The following PUS7L variants were observed in gnomAD, a reference collection of about 807,000 sequenced individuals.
The protein encoded by PUS7L is pseudouridylate synthase PUS7L.
In PUS7L, 49 loss-of-function variants were observed where a neutral mutation model predicts 51.1. That is an observed-to-expected ratio of 0.96 (90% CI 0.76 to 1.22). PUS7L has a LOEUF of 1.22. Ranked by LOEUF, PUS7L falls within the 50% of genes most tolerant of loss-of-function variation. The pLI, the probability that PUS7L is intolerant of heterozygous loss-of-function variation, is 0.00. For missense variants in PUS7L, 828 were observed against 820.6 expected, an observed-to-expected ratio of 1.01 and a Z score of -0.11; for synonymous variants, 277 against 276.2, an observed-to-expected ratio of 1.00 and a Z score of -0.03.
Position 43,756,942 on chromosome 12 carries a change from C to T in PUS7L, c.-16-1681G>A, listed in dbSNP as rs187722822. ...TTGCAATAAAATCCAAATTACTCAC[C>T]CTGGCTTCCAAGGACATCTAAGATT... On this transcript the variant is annotated intron_variant, in intron 1 of 8. Coordinates refer to ENST00000344862, the MANE Select transcript of PUS7L (RefSeq NM_031292.5). 2.5e-3 allele frequency among the ~76,000 whole-genome samples: 381 copies of T among 152,242 alleles called. 1 individual carries two copies. Among genetic ancestry groups the T allele is most frequent in the African/African-American group, 8.9e-3 (369 of 41,532 alleles).
Position 43,725,508 on chromosome 12 carries a change from C to T in PUS7L, c.*4868G>A, listed in dbSNP as rs56100821. 9,611 of 151,722 alleles carry T rather than the reference C, an allele frequency of 0.063. 303 individuals are homozygous for T. Among genetic ancestry groups the T allele is most frequent in the Middle Eastern group, 0.16 (47 of 292 alleles). 9.4% of individuals were successfully genotyped at this position (151,722 alleles called of 1,614,324 possible). ...TCGGCTCACTGCAACCTCCACCTCC[C>T]GGGTTCAAGCGATTCTCCAGCCTCA... On this transcript the variant is annotated 3_prime_UTR_variant, in exon 9 of 9. Transcript: ENST00000344862.
rs756443839 is a variant in PUS7L, at chr12:43,755,192, A to G, written c.54T>C (p.Asn18=). 1 of 1,611,262 alleles carries G rather than the reference A, an allele frequency of 6.2e-7. No individual in the cohort carries two copies. Among genetic ancestry groups the G allele is most frequent in the South Asian group, 1.1e-5 (1 of 90,680 alleles). Residue 18 remains asparagine, a synonymous_variant, in exon 2 of 9, where the codon AAT becomes AAC. Transcript: ENST00000344862. Reference sequence around the variant, plus strand: ...TAGTGCCATGAAATCCAACGTGATCATTAAAGAAACACAAAGAACTAAACC... The same window carrying G: ...TAGTGCCATGAAATCCAACGTGATCGTTAAAGAAACACAAAGAACTAAACC... ...RIRFSSLCFF[N]DHVGFHGTIK...
At chr12:43,758,706 C>G (rs1300341276) in intron 1 of PUS7L, 24 bp downstream of exon 1, 1 of 960,338 alleles carries the variant, frequency 1.0e-6, no homozygotes, top group Non-Finnish European at 1.2e-6. Context: ...CCCACCATCG[C>G]GCAAGAAACT....
chr12:43,758,458 C>G, intron 1 of PUS7L: 1 of 985,534 alleles, frequency 1.0e-6, no homozygotes, highest in Non-Finnish European at 1.2e-6. Flanking sequence ...GAACCCAGTC[C>G]TGCAGAAGCT....
At chr12:43,758,607 C>T (rs1938998891) in intron 1 of PUS7L, 123 bp downstream of exon 1, 2 of 981,696 alleles carry the variant, frequency 2.0e-6, no homozygotes, top group Non-Finnish European at 2.4e-6. Context: ...GTCCACGTCA[C>T]CTTTCTTTGG....
intron 2 of PUS7L, among the ~76,000 whole-genome samples, chr12:43,753,899 A>G (rs545949174): frequency 6.6e-6 from 1 of 152,242 alleles, no homozygotes; most frequent in East Asian, 1.9e-4. Flanking sequence ...GGGAAATATA[A>G]TTTGTTTTGG....
rs755788430 is a variant in PUS7L at position 43,736,522 on chromosome 12, T to C, written c.1584A>G (p.Ile528Met). The C allele has an allele frequency of 2.7e-5, 43 of 1,614,060 alleles. No individual in the cohort carries two copies. In the Admixed American group the frequency reaches 7.0e-4, roughly 26 times the overall value. ...AWFSLPHSMR[I>M]FYVHAYTSKI... The stretch of plus-strand genomic sequence containing the variant: ...TGCTGGTATATGCGTGAACATAGAA[T>C]ATGCGCATGGAATGGGGTAAAGAGA... The change falls in exon 7 of 9, where the codon ATA becomes ATG. Residue 528 changes from isoleucine (I) to methionine (M), a missense_variant. By Grantham distance (10) the Ile-to-Met change is conservative. Coordinates refer to ENST00000344862, the MANE Select transcript of PUS7L (RefSeq NM_031292.5).
chr12:43,758,242 G>A, intron 1 of PUS7L: 1 of 869,912 alleles, frequency 1.1e-6, no homozygotes, highest in Non-Finnish European at 1.4e-6. Context: ...GGGAAACTTG[G>A]GGAGAATGTA....
chr12:43,749,186 C>T (rs1291938319), intron 2 of PUS7L, among the ~76,000 whole-genome samples: 1 of 152,184 alleles, frequency 6.6e-6, no homozygotes, highest in Non-Finnish European at 1.5e-5. Context: ...TCCAAGTGCA[C>T]CACTTCCCTT....
chr12:43,740,258 T>C (rs73280415), intron 5 of PUS7L, among the ~76,000 whole-genome samples: 2,388 of 152,320 alleles, frequency 0.016, 73 homozygotes, highest in African/African-American at 0.053. Context: ...GGATCTTAAA[T>C]AGGTCATTTG....
chr12:43,752,391 C>T (rs1171812399), intron 2 of PUS7L, among the ~76,000 whole-genome samples: 1 of 152,198 alleles, frequency 6.6e-6, no homozygotes, highest in Admixed American at 6.5e-5. Flanking sequence ...TCAGAAGTCA[C>T]CTCACATCCA....
chr12:43,738,278 T>C (rs372967667), intron 6 of PUS7L, 32 bp downstream of exon 6: 204 of 1,075,580 alleles, frequency 1.9e-4, no homozygotes, highest in Non-Finnish European at 2.9e-4. Flanking sequence ...TGTATCTGCA[T>C]GGTTATGTAC....
At position 43,728,957 on chromosome 12, in the gene PUS7L, T is replaced by C; in HGVS notation, c.*1419A>G. The C allele has an allele frequency of 3.2e-6, 1 of 310,416 alleles. No individual in the cohort carries two copies. The highest frequency in any genetic ancestry group is 5.9e-6 in the Non-Finnish European group (1 of 169,832). 19.2% of individuals were successfully genotyped at this position (310,416 alleles called of 1,614,324 possible). A position where few individuals can be genotyped will look rare whatever the true frequency, so the allele number is the denominator to read the frequency against. ...GTGCCAGGGTTCAAACTGGGTTAGT[T>C]TGTCTCCAATATCTGTGCTTTTAAT... On this transcript the variant is annotated 3_prime_UTR_variant, in exon 9 of 9. Coordinates refer to ENST00000344862, the MANE Select transcript of PUS7L (RefSeq NM_031292.5).
rs139835782 is a variant in PUS7L at position 43,748,453 on chromosome 12, T to C, written c.1067A>G (p.Glu356Gly). The change falls in exon 3 of 9, where the codon GAG becomes GGG. Residue 356 changes from glutamate (E) to glycine (G), a missense_variant. Transcript: ENST00000344862. ...AAATTTCTTAATATCTTATTACCTC[T>C]CTGGAGTCACTTTTCTAACAACCAT... is the stretch of plus-strand genomic sequence containing the variant. ...QAMVVRKVTP[E>G]RLKNIEKEIE... The C allele has an allele frequency of 3.8e-4, 603 of 1,584,068 alleles. No individual in the cohort carries two copies. The highest frequency in any genetic ancestry group is 4.9e-4 in the Non-Finnish European group (578 of 1,171,686).
At chr12:43,758,193 AAGG>A (rs1263286570) in intron 1 of PUS7L, 5 of 432,374 alleles carry the variant, frequency 1.2e-5, no homozygotes, top group African/African-American at 1.1e-4. Flanking sequence ...TCCCAGAAAA[AAGG>A]AGGAAGACAG....
rs1189404649 is a variant in PUS7L, at chr12:43,736,612, C to T, written c.1494G>A (p.Glu498=). Reference sequence around the variant, plus strand: ...GGTGCAATGCCTCCAACAATGCTCTCTCACGCACTTTGAATTCAGGCATCA... The same window carrying T: ...GGTGCAATGCCTCCAACAATGCTCTTTCACGCACTTTGAATTCAGGCATCA... ...LSLMPEFKVR[E]RALLEALHRF... Residue 498 remains glutamate (E), a synonymous_variant, in exon 7 of 9, where the codon GAG becomes GAA. Coordinates refer to ENST00000344862, the MANE Select transcript of PUS7L (RefSeq NM_031292.5). 1 of 1,614,180 alleles carries T rather than the reference C, an allele frequency of 6.2e-7. No homozygotes were observed. Among genetic ancestry groups the T allele is most frequent in the East Asian group, 2.2e-5 (1 of 44,884 alleles).
chr12:43,753,790 T>G (rs865917388), intron 2 of PUS7L, among the ~76,000 whole-genome samples: 3 of 152,132 alleles, frequency 2.0e-5, no homozygotes, highest in African/African-American at 2.4e-5. Flanking sequence ...TGAAATCTGT[T>G]TTAACAAGAA....
chr12:43,742,197 A>C (rs1937934215), intron 5 of PUS7L, among the ~76,000 whole-genome samples: 1 of 152,190 alleles, frequency 6.6e-6, no homozygotes, highest in Non-Finnish European at 1.5e-5. Context: ...TATTCAGTTC[A>C]CTAAAATTGG....
Position 43,736,640 on chromosome 12 carries a change from G to A in PUS7L, c.1466C>T (p.Ser489Leu), listed in dbSNP as rs183549317. ...LQTEDAKGTL[S>L]LMPEFKVRER... ...ACGCACTTTGAATTCAGGCATCAAT[G>A]AAAGTGTGCCTTTAGCATCCTCTGA... The change falls in exon 7 of 9, where the codon TCA becomes TTA. Residue 489 changes from serine to leucine, a missense_variant. Physicochemically the swap from Ser to Leu is moderately radical, Grantham distance 145 (BLOSUM62 -2). Coordinates refer to ENST00000344862, the MANE Select transcript of PUS7L (RefSeq NM_031292.5). 8.1e-4 allele frequency: 1,315 copies of A among 1,613,850 alleles called. No homozygotes were observed. Among genetic ancestry groups the A allele is most frequent in the Non-Finnish European group, 9.5e-4 (1,117 of 1,179,814 alleles).
Sources: allele counts gnomAD v4.1 joint callset (sites outside exome capture counted in the v4.1 genomes callset), GRCh38; gene constraint gnomAD v4.1.1; transcripts MANE v1.5; gene names NCBI Gene and HGNC (gene_info 2026-07-23, HGNC 2026-07-21).